Variants in PCDH15 observed in about 807,000 individuals in gnomAD.
PCDH15 encodes protocadherin-15.
A neutral mutation model predicts 178.5 loss-of-function variants in PCDH15; 129 were observed. That is an observed-to-expected ratio of 0.72 (90% CI 0.63 to 0.84). PCDH15 has a LOEUF of 0.84. PCDH15 is among the 40% of genes least tolerant of loss of function. The probability of loss-of-function intolerance (pLI) is 0.00; values close to 1 mark genes in which losing one functional copy is unlikely to be tolerated. For missense variants in PCDH15, 2,230 were observed against 2,099.9 expected (o/e 1.06, Z -1.21); for synonymous variants, 800 against 732.0 (o/e 1.09, Z -1.50).
intron 2 of PCDH15, among the ~76,000 whole-genome samples, chr10:55,039,120 G>A (rs1260868985): frequency 6.6e-6 from 1 of 151,744 alleles, no homozygotes; most frequent in Non-Finnish European, 1.5e-5. Flanking sequence ...TACCTTCCCA[G>A]GTTCCGATCC....
intron 3 of PCDH15, among the ~76,000 whole-genome samples, chr10:54,438,268 C>CT (rs1039826987): frequency 0.095 from 8,906 of 93,774 alleles, 434 homozygotes; most frequent in African/African-American, 0.13. Context: ...AAGAGAAAAG[C>CT]TTTTTTTTTT....
At chr10:54,841,356 T>C (rs1171130007) in intron 3 of PCDH15, among the ~76,000 whole-genome samples, 1 of 151,738 alleles carries the variant, frequency 6.6e-6, no homozygotes, top group African/African-American at 2.4e-5. Context: ...TAAAAAAGCA[T>C]CTTAAAATTT....
chr10:54,992,836 T>C (rs1349769949), intron 2 of PCDH15, among the ~76,000 whole-genome samples: 1 of 151,990 alleles, frequency 6.6e-6, no homozygotes, highest in South Asian at 2.1e-4. Context: ...AGCTTTTGGG[T>C]CTCTGGTTTG....
At chr10:55,167,871 C>A (rs1839235408) in intron 1 of PCDH15, among the ~76,000 whole-genome samples, 1 of 151,842 alleles carries the variant, frequency 6.6e-6, no homozygotes, top group Admixed American at 6.6e-5. Context: ...CTAAGGTGAA[C>A]TACATTAAAT....
intron 2 of PCDH15, among the ~76,000 whole-genome samples, chr10:55,357,299 A>T (rs563236063): frequency 6.6e-6 from 1 of 152,108 alleles, no homozygotes; most frequent in East Asian, 1.9e-4. Flanking sequence ...CATTAAAAAA[A>T]ATAAGATTCT....
intron 2 of PCDH15, among the ~76,000 whole-genome samples, chr10:55,329,490 T>C (rs1844135059): frequency 6.6e-6 from 1 of 151,700 alleles, no homozygotes; most frequent in Non-Finnish European, 1.5e-5. Flanking sequence ...AGAACCACTT[T>C]TTAGATAGGA....
intron 2 of PCDH15, among the ~76,000 whole-genome samples, chr10:55,486,851 C>A (rs1427246015): frequency 6.6e-6 from 1 of 151,374 alleles, no homozygotes; most frequent in Non-Finnish European, 1.5e-5. Context: ...TAAACAGAGG[C>A]CTCTTCTCAC....
intron 1 of PCDH15, among the ~76,000 whole-genome samples, chr10:55,302,229 T>A (rs1163433013): frequency 1.3e-5 from 2 of 151,550 alleles, no homozygotes; most frequent in African/African-American, 4.9e-5. Flanking sequence ...ATGAAAAAAG[T>A]GTGTTTCTTC....
chr10:53,813,731 GA>G (rs2075961241), intron 35 of PCDH15, among the ~76,000 whole-genome samples: 1 of 152,072 alleles, frequency 6.6e-6, no homozygotes, highest in Admixed American at 6.5e-5. Flanking sequence ...CAACATAAAT[GA>G]ATCTCCCAAA....
chr10:55,120,932 G>C (rs1837751320), intron 2 of PCDH15, among the ~76,000 whole-genome samples: 1 of 152,182 alleles, frequency 6.6e-6, no homozygotes, highest in Admixed American at 6.5e-5. Flanking sequence ...GGAGCCTCAA[G>C]TGTGAGGCAA....
intron 2 of PCDH15, among the ~76,000 whole-genome samples, chr10:54,922,248 C>A (rs184478055): frequency 9.7e-4 from 147 of 152,190 alleles, no homozygotes; most frequent in African/African-American, 3.4e-3. Context: ...AGCCCAAAAT[C>A]TGATCAGAGG....
intron 2 of PCDH15, among the ~76,000 whole-genome samples, chr10:54,639,367 C>T (rs992675466): frequency 6.6e-6 from 1 of 151,700 alleles, no homozygotes; most frequent in Non-Finnish European, 1.5e-5. Context: ...CTTATTTGGT[C>T]AGAGAGTTAA....
At chr10:54,186,840 TTA>T (rs1334539462) in intron 11 of PCDH15, among the ~76,000 whole-genome samples, 2 of 151,998 alleles carry the variant, frequency 1.3e-5, no homozygotes, top group Non-Finnish European at 2.9e-5. Context: ...TAAAAATAAA[TTA>T]TGTATTTTTA....
At chr10:54,369,722 A>C (rs917141820) in intron 4 of PCDH15, among the ~76,000 whole-genome samples, 3 of 152,068 alleles carry the variant, frequency 2.0e-5, no homozygotes, top group African/African-American at 7.2e-5. Flanking sequence ...CAAATTAAAA[A>C]TACTGATTAC....
chr10:54,979,795 T>C (rs901747907), intron 2 of PCDH15, among the ~76,000 whole-genome samples: 5 of 152,048 alleles, frequency 3.3e-5, no homozygotes, highest in Middle Eastern at 3.2e-3. Flanking sequence ...TATGGCTAAA[T>C]ATTATTTGGC....
chr10:54,445,583 T>G (rs530981186), intron 3 of PCDH15, among the ~76,000 whole-genome samples: 248 of 151,736 alleles, frequency 1.6e-3, no homozygotes, highest in Non-Finnish European at 3.0e-3. Flanking sequence ...TGAGTAGGGT[T>G]AAGGATTCTT....
At chr10:53,890,334 G>A (rs561183648) in intron 26 of PCDH15, among the ~76,000 whole-genome samples, 4 of 152,168 alleles carry the variant, frequency 2.6e-5, no homozygotes, top group Non-Finnish European at 5.9e-5. Flanking sequence ...GGCTGAGGCA[G>A]GAGAATCGCT....
intron 16 of PCDH15, among the ~76,000 whole-genome samples, chr10:54,087,609 A>G (rs1361503837): frequency 6.6e-6 from 1 of 152,158 alleles, no homozygotes; most frequent in Non-Finnish European, 1.5e-5. Context: ...TCTTTTATGA[A>G]CTTTCTTTGT....
rs145107868 is a variant in PCDH15 at position 55,379,947 on chromosome 10, C to G, written c.-155-213296G>C. On this transcript the variant is annotated intron_variant, in intron 2 of 5. Coordinates refer to the PCDH15 transcript ENST00000613346. ...AAAGAGTAAAGAAAATATAGTAATA[C>G]TAACCAAAGAATAAAACACTGAAAA... Among the ~76,000 whole-genome samples, 564 of 152,082 alleles carry G rather than the reference C, an allele frequency of 3.7e-3. 4 individuals are homozygous for G. Among genetic ancestry groups the G allele is most frequent in the African/African-American group, 0.011 (468 of 41,478 alleles).
Sources: allele counts gnomAD v4.1 joint callset (sites outside exome capture counted in the v4.1 genomes callset), GRCh38; gene constraint gnomAD v4.1.1; transcripts MANE v1.5; gene names NCBI Gene and HGNC (gene_info 2026-07-23, HGNC 2026-07-21).